Variants in ECHS1 observed in about 807,000 individuals in gnomAD.
ECHS1 encodes enoyl-CoA hydratase, short chain 1, also known as enoyl-CoA hydratase, mitochondrial.
Under a neutral mutation model 33.5 loss-of-function variants are expected in ECHS1, and 19 were observed. The observed-to-expected ratio is 0.57, with a 90% CI of 0.40 to 0.83. The LOEUF is 0.83. ECHS1 is among the 40% of genes least tolerant of loss of function. The pLI is 0.00. For synonymous variants in ECHS1, 158 were observed against 146.6 expected, an observed-to-expected ratio of 1.08 and a Z score of -0.56; for missense variants, 365 against 381.3, an observed-to-expected ratio of 0.96 and a Z score of 0.36.
At chr10:133,370,453 C>T (rs1197823355) in intron 2 of ECHS1, 107 bp downstream of exon 2, 1 of 1,221,004 alleles carries the variant, frequency 8.2e-7, no homozygotes, top group African/African-American at 1.5e-5. Flanking sequence ...TCCCCAGTCG[C>T]ATGCCTCTGC....
In ECHS1 at chr10:133,366,006, C is replaced by T. The variant is rs1391669542; in HGVS notation, c.709G>A (p.Val237Ile). Residue 237 changes from valine (V) to isoleucine (I), a missense_variant, in exon 6 of 8, where the codon GTA becomes ATA. By Grantham distance (29) the Val-to-Ile change is conservative. Coordinates refer to ENST00000368547, the MANE Select transcript of ECHS1 (RefSeq NM_004092.4). ...TTCACTGATTCTTTGGCCATCGCTA[C>T]TACAATTTTAGAATTGCTGGCAATT... ...EKIASNSKIVVAMAKESVNAA... is the reference protein window; with the variant it reads ...EKIASNSKIVIAMAKESVNAA... 6.2e-7 allele frequency: 1 copy of T among 1,613,900 alleles called. No individual in the cohort carries two copies. Among genetic ancestry groups the T allele is most frequent in the East Asian group, 2.2e-5 (1 of 44,906 alleles).
intron 5 of ECHS1, 54 bp from the exon 6 acceptor site, chr10:133,366,149 CT>C: frequency 6.3e-7 from 1 of 1,585,154 alleles, no homozygotes. Flanking sequence ...TTGTCTATCC[CT>C]TCTCGAGTGA....
chr10:133,369,643 C>T (rs1346885863), intron 3 of ECHS1, among the ~76,000 whole-genome samples: 1 of 152,128 alleles, frequency 6.6e-6, no homozygotes, highest in Admixed American at 6.5e-5. Context: ...ATAGATGTAG[C>T]CAAAGCCAAC....
Position 133,364,707 on chromosome 10 carries a change from G to A in ECHS1, c.758C>T (p.Thr253Ile), listed in dbSNP as rs764679717. The A allele has an allele frequency of 6.2e-7, 1 of 1,613,572 alleles. No homozygotes were observed. Among genetic ancestry groups the A allele is most frequent in the African/African-American group, 1.3e-5 (1 of 74,912 alleles). Residue 253 changes from threonine to isoleucine, a missense_variant, in exon 7 of 8, where the codon ACA (threonine) becomes ATA (isoleucine). Coordinates refer to ENST00000368547, the MANE Select transcript of ECHS1 (RefSeq NM_004092.4). ...TTTCTTCTCCAACTTACTTCCTTCT[G>A]TTAATGTCATTTCAAAAGCTGAAAA... ...SVNAAFEMTL[T>I]EGSKLEKKLF... is the part of the protein sequence containing the mutation.
intron 7 of ECHS1, 53 bp from the exon 8 acceptor site, chr10:133,362,986 C>A: frequency 6.3e-7 from 1 of 1,595,724 alleles, no homozygotes; most frequent in South Asian, 1.1e-5. Flanking sequence ...CCTCACAGAG[C>A]CTGATGCCAA....
At chr10:133,370,445 C>T in intron 2 of ECHS1, 115 bp downstream of exon 2, 2 of 1,159,840 alleles carry the variant, frequency 1.7e-6, no homozygotes, top group Non-Finnish European at 2.3e-6. Flanking sequence ...TGAGGAAGTC[C>T]CCAGTCGCAT....
At chr10:133,363,184 C>G (rs1003233420) in intron 7 of ECHS1, among the ~76,000 whole-genome samples, 4 of 152,240 alleles carry the variant, frequency 2.6e-5, no homozygotes, top group Non-Finnish European at 5.9e-5. Flanking sequence ...CCAACAAGCT[C>G]ACATCTAAAG....
chr10:133,364,046 G>GCGATTCTCCTGCCT (rs1848999420), intron 7 of ECHS1, among the ~76,000 whole-genome samples: 1 of 151,898 alleles, frequency 6.6e-6, no homozygotes, highest in South Asian at 2.1e-4. Context: ...CTGGGTTCAA[G>GCGATTCTCCTGCCT]CGATTCTCCT....
chr10:133,369,817 C>G, intron 3 of ECHS1, 87 bp downstream of exon 3: 1 of 1,530,698 alleles, frequency 6.5e-7, no homozygotes, highest in African/African-American at 1.4e-5. Context: ...CTAAAGGCCT[C>G]TTCAAAATAA....
In ECHS1 at chr10:133,364,648, G is replaced by A. The variant is rs761004342; in HGVS notation, c.807+10C>T. The stretch of plus-strand genomic sequence containing the variant: ...TTGCTTGATTCTCCGGTTGAACACT[G>A]TTTACTCACAGTGGCAAAGGTTGAA... On this transcript the variant is annotated intron_variant, in intron 7 of 7. Transcript: ENST00000368547. 1.9e-6 allele frequency: 3 copies of A among 1,607,508 alleles called. No homozygotes were observed. The highest frequency in any genetic ancestry group is 2.6e-6 in the Non-Finnish European group (3 of 1,174,268).
At chr10:133,373,007 G>A (rs1389777914) in intron 1 of ECHS1, among the ~76,000 whole-genome samples, 3 of 59,728 alleles carry the variant, frequency 5.0e-5, no homozygotes, top group Admixed American at 4.5e-4. Context: ...GGTCAGGCCG[G>A]AGGGTGCGGG....
chr10:133,363,369 A>G lies in ECHS1; in HGVS notation c.808-436T>C, dbSNP rs1482371758. Among the ~76,000 whole-genome samples, 40 of 83,806 alleles carry G rather than the reference A, an allele frequency of 4.8e-4. 1 individual carries two copies. The highest frequency in any genetic ancestry group is 1.5e-4 in the Admixed American group (1 of 6,858). The allele number at this position is 83,806 out of a possible 152,430, so 55.0% of individuals were successfully genotyped here. The stretch of plus-strand genomic sequence containing the variant: ...TGTGCGCGCGCGCACACACACACAC[A>G]CACACACACACACACGCATCTGTAC... On this transcript the variant is annotated intron_variant, in intron 7 of 7. Coordinates refer to ENST00000368547, the MANE Select transcript of ECHS1 (RefSeq NM_004092.4).
chr10:133,362,967 G>A (rs367754078), intron 7 of ECHS1, 34 bp from the exon 8 acceptor site: 100 of 1,610,044 alleles, frequency 6.2e-5, no homozygotes, highest in Non-Finnish European at 7.9e-5. Flanking sequence ...AGAGCTGGAC[G>A]CGCAGTATCC....
chr10:133,364,549 G>T, intron 7 of ECHS1, 109 bp downstream of exon 7: 1 of 878,772 alleles, frequency 1.1e-6, no homozygotes, highest in African/African-American at 1.7e-5. Context: ...GAGGCTGGCA[G>T]TTCTGACCAG....
In ECHS1 at chr10:133,369,986, C is replaced by G; in HGVS notation, c.332G>C (p.Cys111Ser). Residue 111 changes from cysteine (C) to serine (S), a missense_variant, in exon 3 of 8, where the codon TGT (cysteine) becomes TCT (serine). By Grantham distance (112) the Cys-to-Ser change is moderately radical (BLOSUM62 -1). Transcript: ENST00000368547. ...GTGCTTCAAGAACTTGCTGGAGTAACAGTCCTGGAAACTCAGGTTCTGCAT... is the reference window on the plus strand; with the variant it reads ...GTGCTTCAAGAACTTGCTGGAGTAAGAGTCCTGGAAACTCAGGTTCTGCAT... ...KEMQNLSFQD[C>S]YSSKFLKHWD... 1 of 1,613,888 alleles carries G rather than the reference C, an allele frequency of 6.2e-7. No individual in the cohort carries two copies. The highest frequency in any genetic ancestry group is 1.1e-5 in the South Asian group (1 of 91,080).
Position 133,362,669 on chromosome 10 carries a change from G to T in ECHS1, c.*199C>A, listed in dbSNP as rs1848980116. On this transcript the variant is annotated 3_prime_UTR_variant, in exon 8 of 8. Transcript: ENST00000368547. ...CAGCAGAATCTTAGATTTAGAAGGTGCTCCAGTCAGGACCCTCACAGGCTG... is the reference window on the plus strand; with the variant it reads ...CAGCAGAATCTTAGATTTAGAAGGTTCTCCAGTCAGGACCCTCACAGGCTG... 3.2e-6 allele frequency: 2 copies of T among 615,526 alleles called. No individual in the cohort carries two copies. The highest frequency in any genetic ancestry group is 5.6e-5 in the East Asian group (2 of 35,418). 38.1% of individuals were successfully genotyped at this position (615,526 alleles called of 1,614,324 possible). A position where few individuals can be genotyped will look rare whatever the true frequency, so the allele number is the denominator to read the frequency against.
intron 7 of ECHS1, among the ~76,000 whole-genome samples, chr10:133,364,343 G>A (rs1182140558): frequency 6.6e-6 from 1 of 152,108 alleles, no homozygotes; most frequent in Non-Finnish European, 1.5e-5. Flanking sequence ...CTGGGGCTAC[G>A]GATGCTCGAC....
At chr10:133,371,619 C>T (rs539119054) in intron 1 of ECHS1, 1 of 154,646 alleles carries the variant, frequency 6.5e-6, no homozygotes, top group African/African-American at 2.4e-5. Context: ...GACGCAGGCG[C>T]TTCTCGGTTG....
chr10:133,365,899 G>A, intron 6 of ECHS1, 77 bp downstream of exon 6: 1 of 1,560,840 alleles, frequency 6.4e-7, no homozygotes, highest in South Asian at 1.1e-5. Flanking sequence ...TTCATTTGGA[G>A]CCAGAAAGCC....
Sources: allele counts gnomAD v4.1 joint callset (sites outside exome capture counted in the v4.1 genomes callset), GRCh38; gene constraint gnomAD v4.1.1; transcripts MANE v1.5; gene names NCBI Gene and HGNC (gene_info 2026-07-23, HGNC 2026-07-21).